Variants in FAM20A observed in about 807,000 individuals in gnomAD.
FAM20A encodes pseudokinase FAM20A.
FAM20A carries 42 observed loss-of-function variants against 52.0 expected under a neutral mutation model. The observed-to-expected ratio is 0.81, with a 90% CI of 0.63 to 1.04. The LOEUF is 1.04. Among genes scored for constraint, FAM20A ranks in the 50% least tolerant of loss-of-function variants. FAM20A has a pLI of 0.00. For synonymous variants in FAM20A, 304 were observed against 298.9 expected, an observed-to-expected ratio of 1.02 and a Z score of -0.18; for missense variants, 742 against 712.7, an observed-to-expected ratio of 1.04 and a Z score of -0.47.
At chr17:68,582,931 C>T (rs2088053533) in intron 1 of FAM20A, among the ~76,000 whole-genome samples, 1 of 150,906 alleles carries the variant, frequency 6.6e-6, no homozygotes, top group Admixed American at 6.6e-5. Context: ...TCCCGAGTAG[C>T]TGGGATTACA....
chr17:68,548,954 G>T (rs1270574690), intron 4 of FAM20A, among the ~76,000 whole-genome samples: 1 of 151,684 alleles, frequency 6.6e-6, no homozygotes, highest in Non-Finnish European at 1.5e-5. Flanking sequence ...GGATGGTCTT[G>T]ATCTCCTGAC....
chr17:68,573,531 C>T (rs1042330863), intron 1 of FAM20A, among the ~76,000 whole-genome samples: 3 of 147,660 alleles, frequency 2.0e-5, no homozygotes, highest in Non-Finnish European at 4.5e-5. Context: ...TTCCTTCCTT[C>T]CTTCCTTTCT....
chr17:68,565,235 G>C (rs2087342886), intron 1 of FAM20A, among the ~76,000 whole-genome samples: 1 of 151,990 alleles, frequency 6.6e-6, no homozygotes, highest in Admixed American at 6.6e-5. Flanking sequence ...GTATCAGAAG[G>C]GGAAGCTGAG....
At chr17:68,583,656 C>T (rs2088079856) in intron 1 of FAM20A, among the ~76,000 whole-genome samples, 2 of 152,130 alleles carry the variant, frequency 1.3e-5, no homozygotes, top group African/African-American at 4.8e-5. Flanking sequence ...GTGGCTCATG[C>T]CTGTAATTGC....
chr17:68,592,286 T>TA (rs1293134342), intron 1 of FAM20A, among the ~76,000 whole-genome samples: 5 of 151,946 alleles, frequency 3.3e-5, no homozygotes, highest in Admixed American at 6.6e-5. Context: ...TGAATGGGGT[T>TA]AAAAAAAAGT....
intron 1 of FAM20A, among the ~76,000 whole-genome samples, chr17:68,597,179 C>T (rs1045688930): frequency 6.6e-6 from 1 of 150,488 alleles, no homozygotes; most frequent in African/African-American, 2.5e-5. Flanking sequence ...AGGATACTTT[C>T]TGACTTCATA....
Position 68,552,837 on chromosome 17 carries a change from G to A in FAM20A, c.641-886C>T, listed in dbSNP as rs112692654. On this transcript the variant is annotated intron_variant, in intron 3 of 10. Coordinates refer to ENST00000592554, the MANE Select transcript of FAM20A (RefSeq NM_017565.4). ...GCTGGGACTACAGGCGCCCGCCACC[G>A]CGCCCGGCTAATTTTTTGTATTTTT... Among the ~76,000 whole-genome samples the A allele has an allele frequency of 2.0e-4, 27 of 138,128 alleles. 1 individual carries two copies. The highest frequency in any genetic ancestry group is 8.1e-4 in the East Asian group (4 of 4,944). The allele number at this position is 138,128 out of a possible 152,430, so 90.6% of individuals were successfully genotyped here.
At chr17:68,548,348 G>A (rs1055974625) in intron 4 of FAM20A, among the ~76,000 whole-genome samples, 2 of 151,912 alleles carry the variant, frequency 1.3e-5, no homozygotes, top group Non-Finnish European at 2.9e-5. Flanking sequence ...TGGCCAACAC[G>A]GTGAAACCCC....
chr17:68,553,090 G>C (rs116719337), intron 3 of FAM20A, among the ~76,000 whole-genome samples: 6,770 of 152,192 alleles, frequency 0.044, 503 homozygotes, highest in African/African-American at 0.16. Flanking sequence ...AATTGCTGAG[G>C]GAGGGATGCT....
At chr17:68,589,426 A>G (rs1157115879) in intron 1 of FAM20A, among the ~76,000 whole-genome samples, 1 of 152,240 alleles carries the variant, frequency 6.6e-6, no homozygotes, top group Non-Finnish European at 1.5e-5. Flanking sequence ...ATAGTTTGTT[A>G]TACAGCAAAA....
chr17:68,595,690 CTG>C (rs765905705), intron 1 of FAM20A, among the ~76,000 whole-genome samples: 69 of 152,272 alleles, frequency 4.5e-4, no homozygotes, highest in Non-Finnish European at 7.6e-4. Context: ...CCTGTTGACT[CTG>C]GGAGAGAAGC....
intron 1 of FAM20A, among the ~76,000 whole-genome samples, chr17:68,581,542 TTTTC>T (rs1598069523): frequency 2.7e-5 from 4 of 149,458 alleles, no homozygotes; most frequent in South Asian, 2.1e-4. Context: ...CTTTCTTTTC[TTTTC>T]TTTCTTTCTT....
At chr17:68,552,830 C>T (rs958602522) in intron 3 of FAM20A, among the ~76,000 whole-genome samples, 9 of 138,648 alleles carry the variant, frequency 6.5e-5, no homozygotes, top group African/African-American at 1.1e-4. Context: ...TACAGGCGCC[C>T]GCCACCGCGC....
intron 1 of FAM20A, among the ~76,000 whole-genome samples, chr17:68,572,004 AT>A (rs1309314104): frequency 1.1e-4 from 4 of 36,030 alleles, no homozygotes; most frequent in African/African-American, 4.5e-4. Context: ...ATATATATAT[AT>A]ATATATATAT....
intron 1 of FAM20A, among the ~76,000 whole-genome samples, chr17:68,587,208 G>A (rs1232033517): frequency 6.6e-6 from 1 of 152,144 alleles, no homozygotes; most frequent in Non-Finnish European, 1.5e-5. Context: ...GACCTCCAAT[G>A]TTTTGGGAGT....
At chr17:68,581,435 CTTTTCTTT>C (rs1238817169) in intron 1 of FAM20A, among the ~76,000 whole-genome samples, 1 of 81,786 alleles carries the variant, frequency 1.2e-5, no homozygotes, top group Non-Finnish European at 2.4e-5. Flanking sequence ...TTCTTTCTTT[CTTTTCTTT>C]TTTTCTTTTC....
chr17:68,551,023 T>C, intron 4 of FAM20A: 2 of 1,198,796 alleles, frequency 1.7e-6, no homozygotes, highest in Non-Finnish European at 2.1e-6. Flanking sequence ...AGAAGCACAT[T>C]CTGGAGGAAA....
Position 68,555,708 on chromosome 17 carries a change from G to T in FAM20A, c.440C>A (p.Thr147Asn). Residue 147 changes from threonine to asparagine, a missense_variant, in exon 2 of 11, where the codon ACC becomes AAC. Thr to Asn is a moderately conservative substitution (Grantham distance 65). Transcript: ENST00000592554. ...HKMYREQMNLTSLDPPLQLRL... is the reference protein window; with the variant it reads ...HKMYREQMNLNSLDPPLQLRL... ...GAGCTGCAGTGGGGGGTCCAGGGAG[G>T]TAAGGTTCATCTGCTCTCTGTACAT... 6.2e-7 allele frequency: 1 copy of T among 1,614,036 alleles called. No individual in the cohort carries two copies.
At chr17:68,590,546 C>T (rs1477017590) in intron 1 of FAM20A, among the ~76,000 whole-genome samples, 2 of 152,152 alleles carry the variant, frequency 1.3e-5, no homozygotes, top group Non-Finnish European at 2.9e-5. Context: ...AGACCAAAGT[C>T]GCTTTAAAAG....
Sources: gnomAD v4.1 joint callset for allele counts (sites outside exome capture counted in the v4.1 genomes callset) on GRCh38, gnomAD v4.1.1 for gene constraint, MANE v1.5 for transcripts, NCBI Gene and HGNC (gene_info 2026-07-23, HGNC 2026-07-21) for gene names.